A2ML1: variants seen among roughly 807,000 people sequenced by gnomAD.
A2ML1 encodes the protein alpha-2-macroglobulin-like protein 1.
Under a neutral mutation model 181.9 loss-of-function variants are expected in A2ML1, and 161 were observed. That is an observed-to-expected ratio of 0.89 (90% confidence interval 0.78 to 1.01). A2ML1 has a LOEUF of 1.01. Ranked by LOEUF, A2ML1 falls within the 50% of genes least tolerant of loss-of-function variation. A2ML1 has a pLI of 0.00. For synonymous variants in A2ML1, 663 were observed against 666.8 expected, an observed-to-expected ratio of 0.99 and a Z score of 0.09; for missense variants, 1,670 against 1,768.1, an observed-to-expected ratio of 0.94 and a Z score of 1.00.
intron 26 of A2ML1, among the ~76,000 whole-genome samples, 173 bp from the exon 27 acceptor site, chr12:8,860,708 T>C (rs1050375741): frequency 6.6e-6 from 1 of 152,206 alleles, no homozygotes; most frequent in African/African-American, 2.4e-5. Flanking sequence ...TCCCTCTTTG[T>C]GTGTCCTGGA....
At chr12:8,865,770 T>C (rs148806677) in intron 29 of A2ML1, among the ~76,000 whole-genome samples, 1 of 152,274 alleles carries the variant, frequency 6.6e-6, no homozygotes, top group African/African-American at 2.4e-5. Flanking sequence ...ACTCAAATCA[T>C]AAAAAATTAT....
At chr12:8,853,043 G>A (rs1043853761) in intron 20 of A2ML1, among the ~76,000 whole-genome samples, 1 of 152,098 alleles carries the variant, frequency 6.6e-6, no homozygotes, top group Admixed American at 6.6e-5. Flanking sequence ...CACCTAAGCT[G>A]GAGTACAGTG....
At chr12:8,826,917 C>T (rs1942948409) in intron 3 of A2ML1, among the ~76,000 whole-genome samples, 1 of 152,160 alleles carries the variant, frequency 6.6e-6, no homozygotes, top group Admixed American at 6.5e-5. Context: ...CCACGTCTGT[C>T]TTCTTGCACT....
At chr12:8,842,983 C>T in intron 11 of A2ML1, 151 bp from the exon 12 acceptor site, 1 of 697,882 alleles carries the variant, frequency 1.4e-6, no homozygotes, top group Non-Finnish European at 2.4e-6. Context: ...CTTTATCCAT[C>T]CTTGGCTGGA....
chr12:8,838,495 A>G, intron 9 of A2ML1, 45 bp downstream of exon 9: 1 of 1,486,652 alleles, frequency 6.7e-7, no homozygotes, highest in African/African-American at 1.4e-5. Flanking sequence ...AGAAAGAAAA[A>G]GGGCTGGTCC....
At position 8,861,184 on chromosome 12, in the gene A2ML1, C is replaced by T; in HGVS notation, c.3389C>T (p.Ser1130Phe). 6.2e-7 allele frequency: 1 copy of T among 1,614,140 alleles called. No individual in the cohort carries two copies. Residue 1130 changes from serine (S) to phenylalanine (F), a missense_variant, in exon 28 of 36, where the codon TCC becomes TTC. Transcript: ENST00000299698. ...CGGTGTCTCAAGAATTCGGCCACCT[C>T]CACGACCAACCTCTACACACAGGCC... ...GLRCLKNSAT[S>F]TTNLYTQALL... is the part of the protein sequence containing the mutation.
chr12:8,833,558 G>A (rs1286717603), intron 4 of A2ML1, among the ~76,000 whole-genome samples: 3 of 151,702 alleles, frequency 2.0e-5, no homozygotes, highest in African/African-American at 4.8e-5. Flanking sequence ...CACCATGTCC[G>A]GCTAATTTTT....
chr12:8,866,856 T>C (rs1944442941), intron 29 of A2ML1, among the ~76,000 whole-genome samples: 1 of 152,008 alleles, frequency 6.6e-6, no homozygotes, highest in East Asian at 1.9e-4. Flanking sequence ...TTGTAATAGA[T>C]ATTTTTTGTA....
At chr12:8,858,154 C>T (rs1017814527) in intron 26 of A2ML1, 52 bp downstream of exon 26, 9 of 1,570,532 alleles carry the variant, frequency 5.7e-6, no homozygotes, top group African/African-American at 1.4e-5. Flanking sequence ...AAGGACCCCA[C>T]ACCTCTGACC....
intron 10 of A2ML1, among the ~76,000 whole-genome samples, chr12:8,840,062 A>G (rs1466162106): frequency 2.0e-5 from 3 of 152,010 alleles, no homozygotes; most frequent in Non-Finnish European, 2.9e-5. Context: ...TTTTCTTTAG[A>G]GATTTTAAAA....
intron 7 of A2ML1, 83 bp downstream of exon 7, chr12:8,836,422 A>T: frequency 6.6e-6 from 7 of 1,057,586 alleles, no homozygotes; most frequent in East Asian, 7.0e-5. Context: ...ATGTGGGATT[A>T]TGGGTGGGCC....
chr12:8,879,758 A>T (rs1485623984), downstream of A2ML1, among the ~76,000 whole-genome samples: 1 of 152,224 alleles, frequency 6.6e-6, no homozygotes, highest in Non-Finnish European at 1.5e-5. Flanking sequence ...GCTGAATAAA[A>T]GGATGTTAAT....
At chr12:8,834,580 T>G in intron 4 of A2ML1, 82 bp from the exon 5 acceptor site, 1 of 1,525,068 alleles carries the variant, frequency 6.6e-7, no homozygotes, top group Non-Finnish European at 9.0e-7. Flanking sequence ...GGAAGAATTC[T>G]TTGTGAACTT....
intron 4 of A2ML1, among the ~76,000 whole-genome samples, chr12:8,831,369 A>G (rs762558009): frequency 6.6e-6 from 1 of 152,302 alleles, no homozygotes; most frequent in Admixed American, 6.5e-5. Context: ...GGTTGATCTC[A>G]TTAACTACCC....
intron 29 of A2ML1, among the ~76,000 whole-genome samples, chr12:8,866,490 C>A (rs1472590195): frequency 6.6e-6 from 1 of 151,968 alleles, no homozygotes; most frequent in African/African-American, 2.4e-5. Flanking sequence ...TTTTGGAAAG[C>A]AGTGGGTGAA....
At chr12:8,866,323 A>C (rs1194434469) in intron 29 of A2ML1, among the ~76,000 whole-genome samples, 1 of 150,866 alleles carries the variant, frequency 6.6e-6, no homozygotes, top group Non-Finnish European at 1.5e-5. Context: ...AAAAAAAAAA[A>C]AAAAAAAAGC....
At chr12:8,833,062 C>T (rs368194016) in intron 4 of A2ML1, among the ~76,000 whole-genome samples, 6 of 151,778 alleles carry the variant, frequency 4.0e-5, no homozygotes, top group African/African-American at 1.2e-4. Flanking sequence ...CAACCTCCCC[C>T]TCCTGGGTTC....
chr12:8,854,391 A>G lies in A2ML1; in HGVS notation c.2712+142A>G. 3.0e-6 allele frequency: 4 copies of G among 1,327,568 alleles called. No homozygotes were observed. The South Asian group carries it at 5.0e-5, about 17-fold the overall frequency. The allele number at this position is 1,327,568 out of a possible 1,614,324, so 82.2% of individuals were successfully genotyped here. A position where few individuals can be genotyped will look rare whatever the true frequency, so the allele number is the denominator to read the frequency against. The stretch of plus-strand genomic sequence containing the variant: ...TTTCTCCTTCCCTGGCCCCTTGAAC[A>G]TTTGCCTAATCCACACCCACGGCCT... On this transcript the variant is annotated intron_variant, in intron 21 of 35. Transcript: ENST00000299698.
chr12:8,874,363 A>G (rs1944730592), intron 33 of A2ML1, 62 bp from the exon 34 acceptor site: 4 of 1,314,934 alleles, frequency 3.0e-6, no homozygotes, highest in African/African-American at 1.5e-5. Flanking sequence ...TTTATTCCAC[A>G]TTGCATACAG....
Sources: allele counts gnomAD v4.1 joint callset (sites outside exome capture counted in the v4.1 genomes callset), GRCh38; gene constraint gnomAD v4.1.1; transcripts MANE v1.5; gene names NCBI Gene and HGNC (gene_info 2026-07-23, HGNC 2026-07-21).